The following EPHA3 variants were observed in gnomAD, a reference collection of about 807,000 sequenced individuals.
The protein encoded by EPHA3 is EPH receptor A3.
In EPHA3, 42 loss-of-function variants were observed where a neutral mutation model predicts 107.1. The observed-to-expected ratio is 0.39, with a 90% CI of 0.31 to 0.51. The LOEUF is 0.51. Ranked by LOEUF, EPHA3 falls within the 20% of genes least tolerant of loss-of-function variation. The probability of loss-of-function intolerance (pLI) is 0.78; values close to 1 mark genes in which losing one functional copy is unlikely to be tolerated. For synonymous variants in EPHA3, 461 were observed against 424.8 expected, an observed-to-expected ratio of 1.09 and a Z score of -1.05; for missense variants, 1,183 against 1,211.2, an observed-to-expected ratio of 0.98 and a Z score of 0.35.
chr3:89,306,066 C>A (rs1322615039), intron 3 of EPHA3, among the ~76,000 whole-genome samples: 2 of 152,052 alleles, frequency 1.3e-5, no homozygotes, highest in East Asian at 3.9e-4. Context: ...TCATTACTGT[C>A]CTTATCATTG....
intron 3 of EPHA3, among the ~76,000 whole-genome samples, chr3:89,218,027 AATCC>A (rs1465033041): frequency 3.9e-5 from 6 of 152,158 alleles, no homozygotes; most frequent in Non-Finnish European, 7.4e-5. Context: ...AAAATATTTC[AATCC>A]ATCTATCATC....
Position 89,107,755 on chromosome 3 carries a change from T to C in EPHA3, c.7T>C (p.Cys3Arg). 6.2e-7 allele frequency: 1 copy of C among 1,614,068 alleles called. No homozygotes were observed. Among genetic ancestry groups the C allele is most frequent in the African/African-American group, 1.3e-5 (1 of 75,068 alleles). The stretch of plus-strand genomic sequence containing the variant: ...TGCCCTCTGCACCAGCAACATGGAT[T>C]GTCAGCTCTCCATCCTCCTCCTTCT... MD[C>R]QLSILLLLSC... The change falls in exon 1 of 17, where the codon TGT becomes CGT. Residue 3 changes from cysteine to arginine, a missense_variant. By Grantham distance (180) the Cys-to-Arg change is radical. Coordinates refer to ENST00000336596, the MANE Select transcript of EPHA3 (RefSeq NM_005233.6).
chr3:89,163,458 TA>T (rs35035262), intron 2 of EPHA3, among the ~76,000 whole-genome samples: 80,420 of 151,842 alleles, frequency 0.53, 22,249 homozygotes, highest in Admixed American at 0.64. Flanking sequence ...TGCTTTATAC[TA>T]ACCTTTTTAT....
At chr3:89,147,799 A>G (rs1244269271) in intron 2 of EPHA3, among the ~76,000 whole-genome samples, 1 of 152,112 alleles carries the variant, frequency 6.6e-6, no homozygotes, top group African/African-American at 2.4e-5. Flanking sequence ...AATAATGACT[A>G]CTAACAATTG....
At chr3:89,168,007 A>G (rs1340522821) in intron 2 of EPHA3, among the ~76,000 whole-genome samples, 1 of 152,140 alleles carries the variant, frequency 6.6e-6, no homozygotes, top group Non-Finnish European at 1.5e-5. Context: ...TGAAGAGTGC[A>G]AAGTACCTAA....
At chr3:89,314,878 T>C (rs923811035) in intron 3 of EPHA3, among the ~76,000 whole-genome samples, 17 of 152,028 alleles carry the variant, frequency 1.1e-4, no homozygotes, top group Admixed American at 3.9e-4. Context: ...CTGGGTGATT[T>C]TGTCGTTGTG....
At chr3:89,199,616 C>T (rs1705923020) in intron 2 of EPHA3, among the ~76,000 whole-genome samples, 1 of 151,920 alleles carries the variant, frequency 6.6e-6, no homozygotes, top group South Asian at 2.1e-4. Context: ...TTATTTCCAC[C>T]CCACCATATC....
intron 11 of EPHA3, among the ~76,000 whole-genome samples, chr3:89,424,193 A>G (rs1017961413): frequency 9.2e-5 from 14 of 151,468 alleles, no homozygotes; most frequent in African/African-American, 3.4e-4. Flanking sequence ...AAAAGATACT[A>G]CACCATTTCC....
Position 89,107,775 on chromosome 3 carries a change from C to G in EPHA3, c.27C>G (p.Leu9=), listed in dbSNP as rs1707006410. The change falls in exon 1 of 17, where the codon CTC becomes CTG. Residue 9 remains leucine (L), a synonymous_variant. Transcript: ENST00000336596. MDCQLSIL[L]LLSCSVLDSF... The stretch of plus-strand genomic sequence containing the variant: ...TGGATTGTCAGCTCTCCATCCTCCT[C>G]CTTCTCAGCTGCTCTGTTCTCGACA... 2 of 1,614,206 alleles carry G rather than the reference C, an allele frequency of 1.2e-6. No individual in the cohort carries two copies. Among genetic ancestry groups the G allele is most frequent in the South Asian group, 2.2e-5 (2 of 91,088 alleles).
chr3:89,295,973 A>G (rs1393532630), intron 3 of EPHA3, among the ~76,000 whole-genome samples: 1 of 152,320 alleles, frequency 6.6e-6, no homozygotes, highest in Non-Finnish European at 1.5e-5. Flanking sequence ...TTGCTCATCC[A>G]TAAGAAGCAA....
At chr3:89,158,891 A>C (rs1259584773) in intron 2 of EPHA3, among the ~76,000 whole-genome samples, 6 of 152,126 alleles carry the variant, frequency 3.9e-5, no homozygotes, top group Non-Finnish European at 7.4e-5. Context: ...TTTGCCCTTA[A>C]TTTTGTTAAA....
At chr3:89,216,417 C>CT (rs1008591739) in intron 3 of EPHA3, among the ~76,000 whole-genome samples, 6 of 150,808 alleles carry the variant, frequency 4.0e-5, no homozygotes, top group Non-Finnish European at 7.4e-5. Context: ...ATCTAAACTT[C>CT]TTTTTTCTGT....
chr3:89,219,691 TTTTTTTTTTTTGTTTTTTG>T (rs1269823896), intron 3 of EPHA3, among the ~76,000 whole-genome samples: 180 of 5,502 alleles, frequency 0.033, 19 homozygotes, highest in African/African-American at 0.045. Flanking sequence ...TGGCAATGTT[TTTTTTTTTTTTGTTTTTTG>T]TTTTTTTTTT....
chr3:89,210,545 T>G, intron 3 of EPHA3, 25 bp downstream of exon 3: 1 of 1,516,008 alleles, frequency 6.6e-7, no homozygotes. Flanking sequence ...TATTTTTCTT[T>G]GAGCAATATT....
At chr3:89,359,828 T>TGCAC (rs1708054538) in intron 5 of EPHA3, among the ~76,000 whole-genome samples, 3 of 134,040 alleles carry the variant, frequency 2.2e-5, no homozygotes, top group Non-Finnish European at 4.8e-5. Flanking sequence ...TATACATATA[T>TGCAC]ATATACATAT....
At position 89,249,795 on chromosome 3, in the gene EPHA3, A is replaced by G. The variant is rs944299903; in HGVS notation, c.814+39275A>G. 1.1e-3 allele frequency among the ~76,000 whole-genome samples: 162 copies of G among 152,284 alleles called. 1 individual carries two copies. Among genetic ancestry groups the G allele is most frequent in the African/African-American group, 3.7e-3 (153 of 41,548 alleles). On this transcript the variant is annotated intron_variant, in intron 3 of 16. Transcript: ENST00000336596. ...ATAGTGATAAGTTTTTGCTGTTTCT[A>G]TATCTCAGGATAATAACATCTGTTT...
intron 5 of EPHA3, among the ~76,000 whole-genome samples, chr3:89,359,216 T>C: frequency 6.6e-6 from 1 of 151,078 alleles, no homozygotes; most frequent in East Asian, 1.9e-4. Flanking sequence ...ATTTTAATTA[T>C]GAATTATAAT....
chr3:89,209,717 C>G (rs1265420286), intron 2 of EPHA3, 143 bp from the exon 3 acceptor site: 3 of 654,658 alleles, frequency 4.6e-6, no homozygotes, highest in Non-Finnish European at 2.5e-6. Flanking sequence ...ACTCAGAGAA[C>G]CTTGCAAATA....
chr3:89,161,474 A>G (rs1231500535), intron 2 of EPHA3, among the ~76,000 whole-genome samples: 1 of 152,142 alleles, frequency 6.6e-6, no homozygotes. Flanking sequence ...TTTGAAATCT[A>G]ACAATGTATC....
Sources: gnomAD v4.1 joint callset for allele counts (sites outside exome capture counted in the v4.1 genomes callset) on GRCh38, gnomAD v4.1.1 for gene constraint, MANE v1.5 for transcripts, NCBI Gene and HGNC (gene_info 2026-07-23, HGNC 2026-07-21) for gene names.